DENND11: variants seen among roughly 807,000 people sequenced by gnomAD.
The protein encoded by DENND11 is DENN domain-containing protein 11.
DENND11 carries 34 observed loss-of-function variants against 49.2 expected under a neutral mutation model. That is an observed-to-expected ratio of 0.69 (90% CI 0.53 to 0.92). DENND11 has a LOEUF of 0.92. DENND11 is among the 40% of genes least tolerant of loss of function. DENND11 has a pLI of 0.00. For synonymous variants in DENND11, 238 were observed against 230.3 expected (o/e 1.03, Z -0.30); for missense variants, 475 against 581.6 (o/e 0.82, Z 1.88).
Position 141,666,340 on chromosome 7 carries a change from C to T in DENND11, c.767G>A (p.Arg256Gln), listed in dbSNP as rs750648369. The change falls in exon 5 of 9, where the codon CGA becomes CAA. Residue 256 changes from arginine (R) to glutamine (Q), a missense_variant. Arg to Gln is a conservative substitution (Grantham distance 43, BLOSUM62 1). Coordinates refer to ENST00000536163, the MANE Select transcript of DENND11 (RefSeq NM_001080392.2). The stretch of plus-strand genomic sequence containing the variant: ...GGGAGAAAATATCAAAATGCGCTTT[C>T]GAAGTAAGGCAAATTTCCAGAGGAT... ...ILILWKFALLRKRILIFSPPP... is the reference protein window; with the variant it reads ...ILILWKFALLQKRILIFSPPP... 1.3e-5 allele frequency: 21 copies of T among 1,613,044 alleles called. No individual in the cohort carries two copies. The highest frequency in any genetic ancestry group is 1.7e-5 in the Admixed American group (1 of 59,948).
Position 141,686,670 on chromosome 7 carries a change from G to A in DENND11, c.269-12C>T. ...TTCTACCATGTTTCCTGCAGGAAAAGGAAGATGCAAGTTAAAAGAAACAAC... is the reference window on the plus strand; with the variant it reads ...TTCTACCATGTTTCCTGCAGGAAAAAGAAGATGCAAGTTAAAAGAAACAAC... On this transcript the variant is annotated splice_polypyrimidine_tract_variant and intron_variant, in intron 1 of 8. Transcript: ENST00000536163. 1 of 1,585,412 alleles carries A rather than the reference G, an allele frequency of 6.3e-7. No homozygotes were observed. The highest frequency in any genetic ancestry group is 8.6e-7 in the Non-Finnish European group (1 of 1,156,626).
At position 141,701,905 on chromosome 7, in the gene DENND11, G is replaced by C; in HGVS notation, c.249C>G (p.Val83=). ...EEDQVVAVFV[V]TFDPRSGNMV... ...CCTCACCCGAGCGGGGGTCGAAGGT[G>C]ACCACGAACACGGCCACCACCTGGT... Residue 83 remains valine (V), a synonymous_variant, in exon 1 of 9, where the codon GTC becomes GTG. Transcript: ENST00000536163. 8.3e-7 allele frequency: 1 copy of C among 1,212,018 alleles called. No individual in the cohort carries two copies. Among genetic ancestry groups the C allele is most frequent in the South Asian group, 3.8e-5 (1 of 26,632 alleles). The allele number at this position is 1,212,018 out of a possible 1,614,324, so 75.1% of individuals were successfully genotyped here. A position where few individuals can be genotyped will look rare whatever the true frequency, so the allele number is the denominator to read the frequency against.
In DENND11 at chr7:141,666,303, G is replaced by T. The variant is rs374608533; in HGVS notation, c.804C>A (p.Gly268=). ...TCTGGTTACCTCTATAGCACACCAC[G>T]CCCACAGGTGGGGGAGAAAATATCA... ...RILIFSPPPV[G]VVCYRVYCCC... Residue 268 remains glycine (G), a synonymous_variant, in exon 5 of 9, where the codon GGC becomes GGA. Coordinates refer to ENST00000536163, the MANE Select transcript of DENND11 (RefSeq NM_001080392.2). 54 of 1,612,058 alleles carry T rather than the reference G, an allele frequency of 3.3e-5. No individual in the cohort carries two copies. The highest frequency in any genetic ancestry group is 4.4e-5 in the Non-Finnish European group (52 of 1,178,894).
chr7:141,683,836 G>A (rs903357281), intron 3 of DENND11, among the ~76,000 whole-genome samples: 1 of 152,230 alleles, frequency 6.6e-6, no homozygotes, highest in Non-Finnish European at 1.5e-5. Flanking sequence ...ACAACCAGCT[G>A]AGGATAAAGG....
chr7:141,669,532 C>T (rs1797945144), intron 4 of DENND11, among the ~76,000 whole-genome samples: 1 of 152,004 alleles, frequency 6.6e-6, no homozygotes, highest in Non-Finnish European at 1.5e-5. Flanking sequence ...AGGCATGAGC[C>T]GCCGTGCTCA....
chr7:141,674,539 CG>C (rs1347100876), intron 3 of DENND11, among the ~76,000 whole-genome samples: 2 of 152,094 alleles, frequency 1.3e-5, no homozygotes, highest in African/African-American at 4.8e-5. Flanking sequence ...CAAGGTACGC[CG>C]GAGACTGGGT....
At chr7:141,671,019 G>A (rs1797972349) in intron 4 of DENND11, among the ~76,000 whole-genome samples, 1 of 152,194 alleles carries the variant, frequency 6.6e-6, no homozygotes, top group South Asian at 2.1e-4. Context: ...GAGATCTGGT[G>A]ATCCTTCCAT....
rs1798030375 is a variant in DENND11 at position 141,674,230 on chromosome 7, A to ACACACACACACACAC, written c.528-11_528-10insGTGTGTGTGTGTGTG. 1 of 1,050,874 alleles carries ACACACACACACACAC rather than the reference A, an allele frequency of 9.5e-7. No homozygotes were observed. The highest frequency in any genetic ancestry group is 1.7e-5 in the African/African-American group (1 of 58,170). 65.1% of individuals were successfully genotyped at this position (1,050,874 alleles called of 1,614,324 possible). A position where few individuals can be genotyped will look rare whatever the true frequency, so the allele number is the denominator to read the frequency against. Reference sequence around the variant, plus strand: ...CATCTCCAACTGGTGCCTGCAGAAAAACACACACACACACACACACACACA... The same window carrying ACACACACACACACAC: ...CATCTCCAACTGGTGCCTGCAGAAAACACACACACACACACACACACACACACACACACACACACA... On this transcript the variant is annotated splice_polypyrimidine_tract_variant and intron_variant, in intron 3 of 8. Coordinates refer to ENST00000536163, the MANE Select transcript of DENND11 (RefSeq NM_001080392.2).
Position 141,661,827 on chromosome 7 carries a change from C to A in DENND11, c.*829G>T, listed in dbSNP as rs756394621. 1 of 152,260 alleles carries A rather than the reference C, an allele frequency of 6.6e-6. No individual in the cohort carries two copies. Among genetic ancestry groups the A allele is most frequent in the African/African-American group, 2.4e-5 (1 of 41,472 alleles). The allele number at this position is 152,260 out of a possible 1,614,324, so 9.4% of individuals were successfully genotyped here. A position where few individuals can be genotyped will look rare whatever the true frequency, so the allele number is the denominator to read the frequency against. ...TCAGCCTTTAAAAATACCCAACTTA[C>A]TCCAAGAGCATTATTGAACCCTTAA... On this transcript the variant is annotated 3_prime_UTR_variant, in exon 9 of 9. Transcript: ENST00000536163.
chr7:141,672,466 C>T (rs1797997825), intron 4 of DENND11, among the ~76,000 whole-genome samples: 2 of 152,224 alleles, frequency 1.3e-5, no homozygotes. Context: ...TGGCTAAGAA[C>T]TGAGGGGAGC....
Position 141,676,081 on chromosome 7 carries a change from A to G in DENND11, c.528-1861T>C, listed in dbSNP as rs1049946733. Among the ~76,000 whole-genome samples, 3 of 152,252 alleles carry G rather than the reference A, an allele frequency of 2.0e-5. 1 individual carries two copies. Among genetic ancestry groups the G allele is most frequent in the South Asian group, 4.1e-4 (2 of 4,834 alleles). On this transcript the variant is annotated intron_variant, in intron 3 of 8. Coordinates refer to ENST00000536163, the MANE Select transcript of DENND11 (RefSeq NM_001080392.2). Reference sequence around the variant, plus strand: ...TTTAGGGAAGTTTGTCAAACTGACGAAAGTCTGATTCACAGAAAATCATAC... The same window carrying G: ...TTTAGGGAAGTTTGTCAAACTGACGGAAGTCTGATTCACAGAAAATCATAC...
chr7:141,667,646 A>T (rs1369605111), intron 4 of DENND11, among the ~76,000 whole-genome samples: 3 of 152,160 alleles, frequency 2.0e-5, no homozygotes, highest in Non-Finnish European at 2.9e-5. Flanking sequence ...AGCACTTCTG[A>T]GAGAGGCACC....
chr7:141,664,830 C>T, intron 7 of DENND11, 74 bp downstream of exon 7: 1 of 1,475,800 alleles, frequency 6.8e-7, no homozygotes. Context: ...AGAAGACAGG[C>T]TTTGCAGAGA....
In DENND11 at chr7:141,657,276, T is replaced by C. The variant is rs909379250; in HGVS notation, c.*5380A>G. The C allele has an allele frequency of 6.6e-6, 1 of 152,266 alleles. No homozygotes were observed. The highest frequency in any genetic ancestry group is 2.4e-5 in the African/African-American group (1 of 41,450). 9.4% of individuals were successfully genotyped at this position (152,266 alleles called of 1,614,324 possible). A position where few individuals can be genotyped will look rare whatever the true frequency, so the allele number is the denominator to read the frequency against. ...GGAAATTCATTTTGCTTTCCTCTGC[T>C]CTGTCCCTGAAGTCACTCATCCAGG... is the stretch of plus-strand genomic sequence containing the variant. On this transcript the variant is annotated 3_prime_UTR_variant, in exon 9 of 9. Coordinates refer to ENST00000536163, the MANE Select transcript of DENND11 (RefSeq NM_001080392.2).
At position 141,685,474 on chromosome 7, in the gene DENND11, G is replaced by A. The variant is rs769938833; in HGVS notation, c.527+4C>T. 6.2e-6 allele frequency: 10 copies of A among 1,613,694 alleles called. No individual in the cohort carries two copies. The highest frequency in any genetic ancestry group is 2.2e-5 in the East Asian group (1 of 44,870). ...CTCCCTGCACATGTACGGAAGCCAC[G>A]TACCGAACCTGGTTCTCCAAGAAGT... On this transcript the variant is annotated splice_donor_region_variant and intron_variant, in intron 3 of 8. Coordinates refer to ENST00000536163, the MANE Select transcript of DENND11 (RefSeq NM_001080392.2).
chr7:141,689,304 G>C (rs938382092), intron 1 of DENND11, among the ~76,000 whole-genome samples: 2 of 152,100 alleles, frequency 1.3e-5, no homozygotes, highest in Admixed American at 6.5e-5. Context: ...CCTTTGCAGG[G>C]ACATGGATGG....
At position 141,658,696 on chromosome 7, in the gene DENND11, A is replaced by G. The variant is rs1797738402; in HGVS notation, c.*3960T>C. 1 of 152,010 alleles carries G rather than the reference A, an allele frequency of 6.6e-6. No individual in the cohort carries two copies. Among genetic ancestry groups the G allele is most frequent in the Non-Finnish European group, 1.5e-5 (1 of 68,048 alleles). The allele number at this position is 152,010 out of a possible 1,614,324, so 9.4% of individuals were successfully genotyped here. On this transcript the variant is annotated 3_prime_UTR_variant, in exon 9 of 9. Transcript: ENST00000536163. Reference sequence around the variant, plus strand: ...CTTTACCTCTGCAAGGTTGACCTATACAGGGTCTGGAGAAAGCATCTCAAT... The same window carrying G: ...CTTTACCTCTGCAAGGTTGACCTATGCAGGGTCTGGAGAAAGCATCTCAAT...
At chr7:141,673,816 C>A (rs191649888) in intron 4 of DENND11, among the ~76,000 whole-genome samples, 1 of 152,194 alleles carries the variant, frequency 6.6e-6, no homozygotes, top group East Asian at 1.9e-4. Context: ...TTAAATCTAT[C>A]TTTTCACAAC....
chr7:141,697,395 C>T (rs575472416), intron 1 of DENND11, among the ~76,000 whole-genome samples: 1 of 152,314 alleles, frequency 6.6e-6, no homozygotes, highest in South Asian at 2.1e-4. Flanking sequence ...AAAGATTCTA[C>T]CCGGGTGGGA....
Sources: allele counts gnomAD v4.1 joint callset (sites outside exome capture counted in the v4.1 genomes callset), GRCh38; gene constraint gnomAD v4.1.1; transcripts MANE v1.5; gene names NCBI Gene and HGNC (gene_info 2026-07-23, HGNC 2026-07-21).